EPB41L2: variants seen among roughly 807,000 people sequenced by gnomAD.
The protein encoded by EPB41L2 is erythrocyte membrane protein band 4.1 like 2.
In EPB41L2, 43 loss-of-function variants were observed where a neutral mutation model predicts 113.0. The ratio of observed to expected loss-of-function variants is 0.38; its 90% CI spans 0.30 to 0.49. The LOEUF is 0.49. Among genes scored for constraint, EPB41L2 ranks in the 20% least tolerant of loss-of-function variants. EPB41L2 has a pLI of 0.95. For missense variants in EPB41L2, 1,147 were observed against 1,223.4 expected (o/e 0.94, Z 0.93); for synonymous variants, 442 against 436.7 (o/e 1.01, Z -0.15).
At chr6:130,953,524 CGCAGATG>C (rs1015215638) in intron 3 of EPB41L2, among the ~76,000 whole-genome samples, 2 of 151,666 alleles carry the variant, frequency 1.3e-5, no homozygotes, top group African/African-American at 4.9e-5. Flanking sequence ...TCATGGGGTG[CGCAGATG>C]GGGGAGGGAT....
chr6:130,935,738 T>C (rs1808566578), intron 3 of EPB41L2, among the ~76,000 whole-genome samples: 1 of 152,230 alleles, frequency 6.6e-6, no homozygotes, highest in Non-Finnish European at 1.5e-5. Context: ...TTGTAGTTTT[T>C]ATCTCCTGCA....
At chr6:130,887,406 AT>A (rs564981286) in intron 11 of EPB41L2, among the ~76,000 whole-genome samples, 2,228 of 150,824 alleles carry the variant, frequency 0.015, 51 homozygotes, top group African/African-American at 0.051. Flanking sequence ...GCATCAAATG[AT>A]TTTTTTTTTA....
At chr6:130,854,983 G>T (rs951032949) in intron 19 of EPB41L2, among the ~76,000 whole-genome samples, 1 of 152,060 alleles carries the variant, frequency 6.6e-6, no homozygotes, top group African/African-American at 2.4e-5. Flanking sequence ...GGTTGCAGTG[G>T]GTTGAGATCA....
chr6:130,928,073 ACAGTGAGACCCTGTCT>A (rs1225928730), intron 3 of EPB41L2, among the ~76,000 whole-genome samples: 1 of 152,222 alleles, frequency 6.6e-6, no homozygotes, highest in Non-Finnish European at 1.5e-5. Flanking sequence ...AGGCTGGGTG[ACAGTGAGACCCTGTCT>A]CAATAAATAA....
intron 18 of EPB41L2, chr6:130,858,471 G>A (rs370785441): frequency 3.0e-5 from 13 of 436,258 alleles, no homozygotes; most frequent in East Asian, 1.7e-4. Flanking sequence ...ATAATGACAC[G>A]TAGAGGAAAC....
chr6:130,980,004 T>A (rs1052215693), intron 1 of EPB41L2, among the ~76,000 whole-genome samples: 6 of 151,930 alleles, frequency 3.9e-5, no homozygotes, highest in Non-Finnish European at 8.8e-5. Context: ...CTAAGAAGGA[T>A]CAGCATTAAG....
intron 19 of EPB41L2, among the ~76,000 whole-genome samples, chr6:130,850,674 C>T (rs1333032286): frequency 6.6e-6 from 1 of 152,034 alleles, no homozygotes; most frequent in Admixed American, 6.5e-5. Context: ...ACTATCTCTC[C>T]CTTTTAAAAA....
intron 1 of EPB41L2, among the ~76,000 whole-genome samples, chr6:130,996,171 A>G (rs1036081162): frequency 2.0e-5 from 3 of 152,216 alleles, no homozygotes; most frequent in Admixed American, 2.0e-4. Flanking sequence ...TTTCTGCCAT[A>G]AAGTTTACTG....
chr6:130,886,303 C>T (rs3798249), intron 11 of EPB41L2, among the ~76,000 whole-genome samples: 63,028 of 151,986 alleles, frequency 0.41, 15,437 homozygotes, highest in Non-Finnish European at 0.52. Flanking sequence ...CAGCCTTCAC[C>T]TGCCCTGTCC....
At chr6:130,945,762 GA>G (rs1812592549) in intron 3 of EPB41L2, among the ~76,000 whole-genome samples, 1 of 152,124 alleles carries the variant, frequency 6.6e-6, no homozygotes, top group Non-Finnish European at 1.5e-5. Flanking sequence ...AGAGTAAAAA[GA>G]AAAGTAAACA....
At chr6:131,003,260 T>C (rs928986724) in intron 1 of EPB41L2, among the ~76,000 whole-genome samples, 5 of 152,222 alleles carry the variant, frequency 3.3e-5, no homozygotes, top group African/African-American at 1.2e-4. Context: ...ACTTAAAGAT[T>C]TATTCCATAA....
At chr6:131,016,839 A>C (rs1306033160) in intron 1 of EPB41L2, among the ~76,000 whole-genome samples, 1 of 124,100 alleles carries the variant, frequency 8.1e-6, no homozygotes, top group African/African-American at 3.7e-5. Flanking sequence ...GCACTACTAT[A>C]TTCGCACACA....
chr6:130,885,516 G>A (rs1583065794), intron 11 of EPB41L2, among the ~76,000 whole-genome samples: 1 of 152,116 alleles, frequency 6.6e-6, no homozygotes, highest in South Asian at 2.1e-4. Flanking sequence ...GGTATTGGAA[G>A]GATAAACTCA....
At chr6:131,027,658 A>C (rs768217896) in intron 1 of EPB41L2, among the ~76,000 whole-genome samples, 2 of 152,208 alleles carry the variant, frequency 1.3e-5, no homozygotes, top group Non-Finnish European at 2.9e-5. Flanking sequence ...AGTTTATATG[A>C]AACTTTTATA....
At chr6:130,884,833 T>G (rs886387354) in intron 12 of EPB41L2, among the ~76,000 whole-genome samples, 11 of 152,206 alleles carry the variant, frequency 7.2e-5, no homozygotes, top group African/African-American at 2.7e-4. Context: ...ACTTTGAGGA[T>G]TCAATTAGAT....
intron 1 of EPB41L2, among the ~76,000 whole-genome samples, chr6:130,966,770 C>T (rs1399943641): frequency 1.3e-5 from 2 of 152,144 alleles, no homozygotes; most frequent in Non-Finnish European, 2.9e-5. Context: ...GGAGACAACA[C>T]GTGCCAATAT....
chr6:130,842,252 T>A (rs1474091732), intron 19 of EPB41L2, among the ~76,000 whole-genome samples: 1 of 152,148 alleles, frequency 6.6e-6, no homozygotes, highest in Non-Finnish European at 1.5e-5. Context: ...TGCCTTAGGT[T>A]ATTTCATTAC....
At chr6:130,878,058 T>C in intron 14 of EPB41L2, 46 bp downstream of exon 14, 1 of 1,504,406 alleles carries the variant, frequency 6.6e-7, no homozygotes, top group Non-Finnish European at 8.9e-7. Context: ...TAAGTTTTAT[T>C]GAGCAACTGA....
At chr6:131,027,147 G>A (rs1344371464) in intron 1 of EPB41L2, among the ~76,000 whole-genome samples, 1 of 152,124 alleles carries the variant, frequency 6.6e-6, no homozygotes, top group Non-Finnish European at 1.5e-5. Flanking sequence ...CCTAATAAAT[G>A]GAAATTATTT....
Sources: allele counts gnomAD v4.1 joint callset (sites outside exome capture counted in the v4.1 genomes callset), GRCh38; gene constraint gnomAD v4.1.1; transcripts MANE v1.5; gene names NCBI Gene and HGNC (gene_info 2026-07-23, HGNC 2026-07-21).